AGBL4: variants seen among roughly 807,000 people sequenced by gnomAD.
AGBL4 encodes cytosolic carboxypeptidase 6.
In AGBL4, 58 loss-of-function variants were observed where a neutral mutation model predicts 66.4. The ratio of observed to expected loss-of-function variants is 0.87; its 90% confidence interval spans 0.71 to 1.09. The LOEUF (loss-of-function observed/expected upper bound fraction) is 1.09, where lower values mean the gene tolerates loss of function less well. Among genes scored for constraint, AGBL4 ranks in the 50% least tolerant of loss-of-function variants. The pLI, the probability that AGBL4 is intolerant of heterozygous loss-of-function variation, is 0.00. For missense variants in AGBL4, 579 were observed against 631.0 expected, an observed-to-expected ratio of 0.92 and a Z score of 0.88; for synonymous variants, 234 against 222.9, an observed-to-expected ratio of 1.05 and a Z score of -0.44.
chr1:49,136,141 G>T (rs1441145833), intron 4 of AGBL4, among the ~76,000 whole-genome samples: 1 of 152,104 alleles, frequency 6.6e-6, no homozygotes, highest in Non-Finnish European at 1.5e-5. Context: ...ACTTTCATAT[G>T]CTGTCTCATT....
intron 2 of AGBL4, among the ~76,000 whole-genome samples, chr1:49,772,524 TTAAG>T (rs1381705067): frequency 6.6e-6 from 1 of 152,306 alleles, no homozygotes; most frequent in East Asian, 1.9e-4. Flanking sequence ...TAGCCCTACT[TTAAG>T]TATTTCTTGT....
chr1:49,806,786 G>T (rs1263504270), intron 2 of AGBL4, among the ~76,000 whole-genome samples: 1 of 152,074 alleles, frequency 6.6e-6, no homozygotes, highest in Non-Finnish European at 1.5e-5. Context: ...GGGGCCATAG[G>T]TGCCCACAGG....
At position 49,340,152 on chromosome 1, in the gene AGBL4, G is replaced by T. The variant is rs1258211322; in HGVS notation, c.283-94288C>A. Among the ~76,000 whole-genome samples the T allele has an allele frequency of 4.7e-5, 7 of 149,888 alleles. No homozygotes were observed. The South Asian group carries it at 1.0e-3, about 22-fold the overall frequency. ...CCCTCTGCTCCCATATCTAATTAGT[G>T]CGGTTTTTATTTTGTGACCATTCTA... On this transcript the variant is annotated intron_variant, in intron 3 of 13. Transcript: ENST00000371839.
At chr1:49,395,863 A>G (rs1382312329) in intron 3 of AGBL4, among the ~76,000 whole-genome samples, 4 of 141,044 alleles carry the variant, frequency 2.8e-5, no homozygotes, top group Non-Finnish European at 4.5e-5. Flanking sequence ...ACATAAATAT[A>G]TATATATATA....
At chr1:48,679,247 C>G (rs1646416591) in intron 6 of AGBL4, among the ~76,000 whole-genome samples, 1 of 152,228 alleles carries the variant, frequency 6.6e-6, no homozygotes, top group South Asian at 2.1e-4. Flanking sequence ...GCTTTTGCAA[C>G]TACTTTGAGT....
At chr1:48,868,832 C>T (rs1648371407) in intron 5 of AGBL4, among the ~76,000 whole-genome samples, 1 of 152,152 alleles carries the variant, frequency 6.6e-6, no homozygotes, top group Non-Finnish European at 1.5e-5. Context: ...TTTGGTTAGA[C>T]AGGTCTACTT....
intron 3 of AGBL4, among the ~76,000 whole-genome samples, chr1:49,385,009 C>G (rs1644707386): frequency 6.6e-6 from 1 of 152,162 alleles, no homozygotes; most frequent in Non-Finnish European, 1.5e-5. Context: ...ATGCTTCAGC[C>G]TGAATGAACC....
intron 1 of AGBL4, among the ~76,000 whole-genome samples, chr1:49,933,525 A>G (rs1015412956): frequency 6.6e-6 from 1 of 152,172 alleles, no homozygotes; most frequent in African/African-American, 2.4e-5. Context: ...GTAATGATAG[A>G]GTATAAATAA....
chr1:48,850,472 C>G (rs140664759), intron 6 of AGBL4, among the ~76,000 whole-genome samples: 6 of 152,294 alleles, frequency 3.9e-5, no homozygotes, highest in Middle Eastern at 3.4e-3. Context: ...ACTATCTCAT[C>G]CCAATACTCA....
At chr1:49,925,063 AG>A (rs1250621855) in intron 1 of AGBL4, among the ~76,000 whole-genome samples, 1 of 152,206 alleles carries the variant, frequency 6.6e-6, no homozygotes, top group Non-Finnish European at 1.5e-5. Context: ...GAGGTGGCTA[AG>A]GGAGTGCTTA....
intron 4 of AGBL4, among the ~76,000 whole-genome samples, chr1:49,141,918 G>T (rs796360925): frequency 1.3e-5 from 2 of 152,202 alleles, no homozygotes; most frequent in African/African-American, 4.8e-5. Context: ...CTTAAAAAAG[G>T]GTTCCCCAAC....
At chr1:48,555,314 T>C (rs1003853564) in intron 11 of AGBL4, among the ~76,000 whole-genome samples, 2 of 152,096 alleles carry the variant, frequency 1.3e-5, no homozygotes, top group African/African-American at 2.4e-5. Flanking sequence ...CAAACTCTTA[T>C]AGAGCTCACA....
At chr1:49,074,086 C>T (rs757011769) in intron 4 of AGBL4, among the ~76,000 whole-genome samples, 2 of 152,188 alleles carry the variant, frequency 1.3e-5, no homozygotes, top group African/African-American at 4.8e-5. Flanking sequence ...GCCCCTCCCC[C>T]CACCAAGCTC....
intron 9 of AGBL4, among the ~76,000 whole-genome samples, chr1:48,600,707 A>T (rs892738098): frequency 2.6e-5 from 4 of 152,252 alleles, no homozygotes; most frequent in African/African-American, 9.6e-5. Context: ...AGAATAGCCC[A>T]GCCCTGTATT....
intron 6 of AGBL4, among the ~76,000 whole-genome samples, chr1:48,706,290 T>C (rs140885074): frequency 2.0e-5 from 3 of 151,992 alleles, no homozygotes; most frequent in Non-Finnish European, 1.5e-5. Context: ...ATTTGAAAAA[T>C]AATAAAGTTT....
At chr1:49,418,544 A>G (rs2148638344) in intron 3 of AGBL4, among the ~76,000 whole-genome samples, 1 of 152,310 alleles carries the variant, frequency 6.6e-6, no homozygotes, top group East Asian at 1.9e-4. Flanking sequence ...AACAACAACA[A>G]AAAACCAAGA....
intron 6 of AGBL4, among the ~76,000 whole-genome samples, chr1:48,833,634 T>C (rs1646609255): frequency 6.6e-6 from 1 of 152,090 alleles, no homozygotes; most frequent in Admixed American, 6.6e-5. Flanking sequence ...AGATCATTGG[T>C]CCATTGGTAT....
intron 11 of AGBL4, among the ~76,000 whole-genome samples, chr1:48,555,074 A>G (rs1389809993): frequency 6.6e-6 from 1 of 152,126 alleles, no homozygotes; most frequent in East Asian, 1.9e-4. Flanking sequence ...CAATGACACT[A>G]TGGCAGGGGA....
chr1:49,969,250 G>A (rs1280756710), intron 1 of AGBL4, among the ~76,000 whole-genome samples: 1 of 152,126 alleles, frequency 6.6e-6, no homozygotes, highest in Non-Finnish European at 1.5e-5. Context: ...ACAACTCGAT[G>A]AGTTGGAGGT....
Sources: allele counts gnomAD v4.1 joint callset (sites outside exome capture counted in the v4.1 genomes callset), GRCh38; gene constraint gnomAD v4.1.1; transcripts MANE v1.5; gene names NCBI Gene and HGNC (gene_info 2026-07-23, HGNC 2026-07-21).